NRG1: variants seen among roughly 807,000 people sequenced by gnomAD.
NRG1 encodes the protein neuregulin 1, also known as pro-neuregulin-1, membrane-bound isoform.
In NRG1, 18 loss-of-function variants were observed where a neutral mutation model predicts 63.8. The ratio of observed to expected loss-of-function variants is 0.28; its 90% CI spans 0.19 to 0.42. The LOEUF (loss-of-function observed/expected upper bound fraction) is 0.42, where lower values mean the gene tolerates loss of function less well. Among genes scored for constraint, NRG1 ranks in the 10% least tolerant of loss-of-function variants. The pLI is 1.00. For missense variants in NRG1, 762 were observed against 814.7 expected, an observed-to-expected ratio of 0.94 and a Z score of 0.79; for synonymous variants, 302 against 301.3, an observed-to-expected ratio of 1.00 and a Z score of -0.02.
chr8:32,496,368 G>T (rs1341598302), intron 1 of NRG1, among the ~76,000 whole-genome samples: 2 of 152,154 alleles, frequency 1.3e-5, no homozygotes, highest in Non-Finnish European at 2.9e-5. Flanking sequence ...CATTGCTTTA[G>T]CCCAGGAGCT....
chr8:31,662,286 A>T (rs1238876871), intron 1 of NRG1, among the ~76,000 whole-genome samples: 2 of 152,232 alleles, frequency 1.3e-5, no homozygotes, highest in Non-Finnish European at 2.9e-5. Flanking sequence ...ATTTTACATT[A>T]AGAAAAAAAC....
chr8:32,124,250 C>T (rs538043567), intron 1 of NRG1, among the ~76,000 whole-genome samples: 78 of 151,956 alleles, frequency 5.1e-4, no homozygotes, highest in African/African-American at 1.3e-3. Flanking sequence ...CGAACAATGA[C>T]GAATCAAATC....
chr8:31,786,785 A>G (rs984990660), intron 1 of NRG1, among the ~76,000 whole-genome samples: 6 of 152,250 alleles, frequency 3.9e-5, no homozygotes, highest in East Asian at 1.9e-4. Context: ...CAGAGCTTCT[A>G]TGCCCTTCCT....
intron 1 of NRG1, among the ~76,000 whole-genome samples, chr8:31,939,165 A>T (rs1801385410): frequency 1.3e-5 from 2 of 152,202 alleles, no homozygotes; most frequent in African/African-American, 2.4e-5. Context: ...TCTGAGGCAA[A>T]AGCGTCAGGT....
intron 1 of NRG1, among the ~76,000 whole-genome samples, chr8:32,292,942 A>G (rs942187789): frequency 2.0e-5 from 3 of 152,086 alleles, no homozygotes; most frequent in African/African-American, 7.2e-5. Flanking sequence ...CGTCTCTACT[A>G]AAAATACAAA....
rs1184900239 is a variant in NRG1, at chr8:32,727,898, G to C, written c.503-51G>C. On this transcript the variant is annotated intron_variant, in intron 5 of 11. Transcript: ENST00000356819. ...ATAATTTAAGATTAAAGGCTGCTTA[G>C]AAGGGGGAAAAAAAGTCCATGTTAA... The C allele has an allele frequency of 3.2e-6, 5 of 1,585,350 alleles. No individual in the cohort carries two copies. The African/African-American group carries it at 6.8e-5, about 21-fold the overall frequency.
intron 1 of NRG1, among the ~76,000 whole-genome samples, chr8:32,065,948 A>AT (rs1824730705): frequency 6.6e-6 from 1 of 152,064 alleles, no homozygotes; most frequent in Admixed American, 6.5e-5. Flanking sequence ...GATGATGAGC[A>AT]TTTTTTCATG....
chr8:32,728,103 G>A lies in NRG1; in HGVS notation c.632+25G>A, dbSNP rs182902733. 41 of 1,613,144 alleles carry A rather than the reference G, an allele frequency of 2.5e-5. No homozygotes were observed. The South Asian group carries it at 3.1e-4, about 12-fold the overall frequency. On this transcript the variant is annotated intron_variant, in intron 6 of 11. Coordinates refer to ENST00000356819, the Ensembl canonical transcript of NRG1. ...AGTAAGAAAAGAAATCCTGTGTGTC[G>A]CTTATGTCTATAACTCCTTGTTTCA...
chr8:31,850,476 G>T (rs376241861), intron 1 of NRG1, among the ~76,000 whole-genome samples: 95 of 152,280 alleles, frequency 6.2e-4, no homozygotes, highest in African/African-American at 2.2e-3. Context: ...GAGGAACTTT[G>T]TTACATAAAA....
intron 1 of NRG1, among the ~76,000 whole-genome samples, chr8:32,227,018 A>G (rs191717156): frequency 3.0e-4 from 45 of 152,298 alleles, no homozygotes; most frequent in African/African-American, 1.1e-3. Flanking sequence ...ATTTTGGGTA[A>G]AAATTCTGAA....
At chr8:32,573,485 A>G (rs1406542942) in intron 1 of NRG1, among the ~76,000 whole-genome samples, 1 of 152,212 alleles carries the variant, frequency 6.6e-6, no homozygotes, top group Non-Finnish European at 1.5e-5. Flanking sequence ...ATATCCTGAC[A>G]TAAAATATAT....
intron 1 of NRG1, among the ~76,000 whole-genome samples, chr8:31,729,656 CT>C (rs1334336864): frequency 7.2e-5 from 11 of 152,048 alleles, no homozygotes; most frequent in African/African-American, 2.7e-4. Flanking sequence ...TATGCCCCAT[CT>C]TTTTCTCAAA....
chr8:32,733,934 A>G (rs1257424493), intron 6 of NRG1, among the ~76,000 whole-genome samples: 1 of 152,360 alleles, frequency 6.6e-6, no homozygotes, highest in East Asian at 1.9e-4. Flanking sequence ...AGACACGGTA[A>G]CATGCAGCTT....
At chr8:32,568,759 A>T (rs1440014809) in intron 1 of NRG1, among the ~76,000 whole-genome samples, 3 of 152,222 alleles carry the variant, frequency 2.0e-5, no homozygotes, top group Non-Finnish European at 4.4e-5. Context: ...TGCCTGAGTA[A>T]GTCAAAAGAG....
intron 1 of NRG1, among the ~76,000 whole-genome samples, chr8:32,285,104 C>G (rs1231883078): frequency 6.6e-6 from 1 of 152,188 alleles, no homozygotes; most frequent in Non-Finnish European, 1.5e-5. Flanking sequence ...TCTTTCCTCA[C>G]TCTCCGTGTA....
chr8:32,668,024 C>A (rs1164356885), intron 5 of NRG1, among the ~76,000 whole-genome samples: 2 of 151,830 alleles, frequency 1.3e-5, no homozygotes, highest in Non-Finnish European at 2.9e-5. Flanking sequence ...ACCAGCCTGG[C>A]CAAAATGGTG....
chr8:31,662,810 A>G (rs1273499957), intron 1 of NRG1, among the ~76,000 whole-genome samples: 4 of 152,200 alleles, frequency 2.6e-5, no homozygotes, highest in African/African-American at 9.6e-5. Flanking sequence ...TAAAAAACAC[A>G]TACCAAGAAC....
chr8:32,166,235 G>A (rs1839388002), intron 1 of NRG1, among the ~76,000 whole-genome samples: 1 of 151,960 alleles, frequency 6.6e-6, no homozygotes, highest in African/African-American at 2.4e-5. Flanking sequence ...AATATGTTTT[G>A]TTCTCTTTTT....
intron 1 of NRG1, among the ~76,000 whole-genome samples, chr8:31,940,001 A>T (rs1240547183): frequency 6.6e-6 from 1 of 152,146 alleles, no homozygotes; most frequent in Admixed American, 6.5e-5. Flanking sequence ...ACAGCACTAA[A>T]CTGGTCATCA....
Sources: gnomAD v4.1 joint callset for allele counts (sites outside exome capture counted in the v4.1 genomes callset) on GRCh38, gnomAD v4.1.1 for gene constraint, MANE v1.5 for transcripts, NCBI Gene and HGNC (gene_info 2026-07-23, HGNC 2026-07-21) for gene names.